VAV2: variants seen among roughly 807,000 people sequenced by gnomAD.
The protein encoded by VAV2 is vav guanine nucleotide exchange factor 2, also known as guanine nucleotide exchange factor VAV2.
VAV2 carries 67 observed loss-of-function variants against 132.5 expected under a neutral mutation model. The ratio of observed to expected loss-of-function variants is 0.51; its 90% CI spans 0.42 to 0.62. The LOEUF is 0.62. Among genes scored for constraint, VAV2 ranks in the 20% least tolerant of loss-of-function variants. The probability of loss-of-function intolerance (pLI) is 0.00; values close to 1 mark genes in which losing one functional copy is unlikely to be tolerated. For missense variants in VAV2, 938 were observed against 1,153.6 expected (o/e 0.81, Z 2.71); for synonymous variants, 492 against 443.5 (o/e 1.11, Z -1.37).
chr9:133,901,215 A>G (rs2519785), intron 2 of VAV2, among the ~76,000 whole-genome samples: 99,902 of 152,036 alleles, frequency 0.66, 34,758 homozygotes, highest in East Asian at 0.93. Flanking sequence ...TAAAAGCACC[A>G]CTCCGGGGGC....
At chr9:133,929,390 G>C (rs1427569592) in intron 2 of VAV2, among the ~76,000 whole-genome samples, 2 of 152,176 alleles carry the variant, frequency 1.3e-5, no homozygotes, top group Non-Finnish European at 2.9e-5. Context: ...CCAGCTCCTG[G>C]TGACTGCCAG....
At chr9:133,944,963 C>A (rs887476936) in intron 1 of VAV2, among the ~76,000 whole-genome samples, 1 of 152,134 alleles carries the variant, frequency 6.6e-6, no homozygotes, top group East Asian at 1.9e-4. Flanking sequence ...CGTCTCGGTG[C>A]GCTGACTCAC....
intron 3 of VAV2, among the ~76,000 whole-genome samples, chr9:133,838,475 G>GTGGATGGGTGGATGGA (rs1836562793): frequency 1.3e-5 from 1 of 78,296 alleles, no homozygotes; most frequent in Non-Finnish European, 2.4e-5. Flanking sequence ...GGGTGGGTGG[G>GTGGATGGGTGGATGGA]TGGATGGGTG....
At position 133,935,536 on chromosome 9, in the gene VAV2, G is replaced by T. The variant is rs1027921776; in HGVS notation, c.321+3567C>A. On this transcript the variant is annotated intron_variant, in intron 2 of 29. Coordinates refer to ENST00000371850, the MANE Select transcript of VAV2 (RefSeq NM_001134398.2). The surrounding 1 kb of genome is among the most constrained non-coding windows in gnomAD (Gnocchi z 5.2). ...CCGGCCCAGCAAGAGGTCCCCAGGA[G>T]TCTGAGCACCTGGGCAGACCAGGCC... 6.6e-6 allele frequency among the ~76,000 whole-genome samples: 1 copy of T among 152,174 alleles called. No homozygotes were observed. Among genetic ancestry groups the T allele is most frequent in the East Asian group, 1.9e-4 (1 of 5,184 alleles).
chr9:133,966,494 C>G (rs970123343), intron 1 of VAV2, among the ~76,000 whole-genome samples: 4 of 152,114 alleles, frequency 2.6e-5, no homozygotes, highest in African/African-American at 9.7e-5. Context: ...TGGCTTGAGG[C>G]CAGGAGTTCG....
intron 23 of VAV2, among the ~76,000 whole-genome samples, chr9:133,776,368 A>C (rs1256456069): frequency 7.0e-6 from 1 of 142,826 alleles, no homozygotes; most frequent in Non-Finnish European, 1.5e-5. Flanking sequence ...AAGGTGCGGG[A>C]AGTTTTCAGC....
chr9:133,850,689 G>A (rs1048797277), intron 3 of VAV2, among the ~76,000 whole-genome samples: 5 of 152,170 alleles, frequency 3.3e-5, no homozygotes, highest in East Asian at 1.9e-4. Flanking sequence ...GCAGGGCCCC[G>A]TGAGCCCACT....
chr9:133,814,464 A>G (rs1835479024), intron 4 of VAV2, among the ~76,000 whole-genome samples: 1 of 152,266 alleles, frequency 6.6e-6, no homozygotes, highest in African/African-American at 2.4e-5. Flanking sequence ...GAGGCGAGAC[A>G]GGGAAGCTTC....
intron 4 of VAV2, among the ~76,000 whole-genome samples, chr9:133,825,396 C>T (rs1835946775): frequency 6.6e-6 from 1 of 152,070 alleles, no homozygotes; most frequent in Non-Finnish European, 1.5e-5. Flanking sequence ...GCAGGCTTTG[C>T]ATGTGCCTGG....
intron 2 of VAV2, among the ~76,000 whole-genome samples, chr9:133,881,640 G>A (rs1237371410): frequency 6.6e-6 from 1 of 152,240 alleles, no homozygotes; most frequent in Non-Finnish European, 1.5e-5. Flanking sequence ...AAACCGCCGA[G>A]GTCCCAGACG....
chr9:133,769,932 C>T lies in VAV2; in HGVS notation c.2348-429G>A, dbSNP rs556514489. ...GAAGCCGCATGCTCGGGGCCTGCCC[C>T]TGCCCCTGATTCCGTGTGGCCTTCC... is the stretch of plus-strand genomic sequence containing the variant. On this transcript the variant is annotated intron_variant, in intron 27 of 29. Transcript: ENST00000371850. The surrounding 1 kb of genome is among the most constrained non-coding windows in gnomAD (Gnocchi z 8.1). Among the ~76,000 whole-genome samples the T allele has an allele frequency of 5.9e-5, 9 of 152,228 alleles. No homozygotes were observed. The highest frequency in any genetic ancestry group is 3.2e-3 in the Middle Eastern group (1 of 316).
In VAV2 at chr9:133,823,464, G is replaced by A. The variant is rs530627807; in HGVS notation, c.449+10808C>T. On this transcript the variant is annotated intron_variant, in intron 4 of 29. Transcript: ENST00000371850. The surrounding 1 kb of genome is among the most constrained non-coding windows in gnomAD (Gnocchi z 5.5). ...GGACTTCTACAATAAAACCCAGCAT[G>A]TGACGCTTGTTCATTTTAGAGCAAT... 2.9e-4 allele frequency among the ~76,000 whole-genome samples: 44 copies of A among 152,346 alleles called. No homozygotes were observed. Among genetic ancestry groups the A allele is most frequent in the African/African-American group, 9.6e-4 (40 of 41,574 alleles).
In VAV2 at chr9:133,833,862, C is replaced by T. The variant is rs1395933356; in HGVS notation, c.449+410G>A. On this transcript the variant is annotated intron_variant, in intron 4 of 29. Coordinates refer to ENST00000371850, the MANE Select transcript of VAV2 (RefSeq NM_001134398.2). The surrounding 1 kb of genome is among the most constrained non-coding windows in gnomAD (Gnocchi z 5.6). The stretch of plus-strand genomic sequence containing the variant: ...CACTCCTGTGCCCTGAACCTGCGCT[C>T]CAGGCAGCACCGCTCCCTCCTCACA... 6.6e-6 allele frequency among the ~76,000 whole-genome samples: 1 copy of T among 152,172 alleles called. No homozygotes were observed. The highest frequency in any genetic ancestry group is 1.5e-5 in the Non-Finnish European group (1 of 68,016).
chr9:133,833,534 G>A lies in VAV2; in HGVS notation c.449+738C>T, dbSNP rs71505230. 0.03 allele frequency among the ~76,000 whole-genome samples: 4,634 copies of A among 152,220 alleles called. 95 individuals are homozygous for A. Among genetic ancestry groups the A allele is most frequent in the Non-Finnish European group, 0.049 (3,316 of 67,988 alleles). ...CCGGTGGCCTGGGAGGGTGGTGGAT[G>A]AGCCAGGCCGTGAGGCCCCAGCAAG... On this transcript the variant is annotated intron_variant, in intron 4 of 29. Coordinates refer to ENST00000371850, the MANE Select transcript of VAV2 (RefSeq NM_001134398.2). The surrounding 1 kb of genome is among the most constrained non-coding windows in gnomAD (Gnocchi z 5.6).
chr9:133,929,726 C>T (rs2789841), intron 2 of VAV2, among the ~76,000 whole-genome samples: 124,803 of 152,002 alleles, frequency 0.82, 53,736 homozygotes, highest in East Asian at 0.97. Flanking sequence ...GGTGCACAGC[C>T]GACTCCCTCA....
intron 1 of VAV2, among the ~76,000 whole-genome samples, chr9:133,966,564 G>C (rs1044320389): frequency 6.6e-6 from 1 of 152,168 alleles, no homozygotes; most frequent in Non-Finnish European, 1.5e-5. Context: ...AAATTAGCCA[G>C]GCGTGGTGGC....
chr9:133,897,350 G>A (rs868844239), intron 2 of VAV2, among the ~76,000 whole-genome samples: 1 of 152,158 alleles, frequency 6.6e-6, no homozygotes, highest in Non-Finnish European at 1.5e-5. Context: ...GGCACACCCA[G>A]GTAGGGAGCC....
At chr9:133,779,278 T>G (rs1588163036) in intron 21 of VAV2, among the ~76,000 whole-genome samples, 1 of 152,048 alleles carries the variant, frequency 6.6e-6, no homozygotes, top group Non-Finnish European at 1.5e-5. Context: ...CTCACAGAGG[T>G]GCTCTGGGCC....
intron 4 of VAV2, among the ~76,000 whole-genome samples, chr9:133,815,690 ATCT>A (rs1564373545): frequency 6.6e-6 from 1 of 152,142 alleles, no homozygotes; most frequent in African/African-American, 2.4e-5. Context: ...CGTGCTACCC[ATCT>A]TCCTTCTTTA....
Sources: gnomAD v4.1 joint callset for allele counts (sites outside exome capture counted in the v4.1 genomes callset) on GRCh38, gnomAD v4.1.1 for gene constraint, Gnocchi (gnomAD v3.1) non-coding constraint, MANE v1.5 for transcripts, NCBI Gene and HGNC (gene_info 2026-07-23, HGNC 2026-07-21) for gene names.